Variants in UNC80 observed in about 807,000 individuals in gnomAD.
The protein encoded by UNC80 is protein unc-80 homolog.
A neutral mutation model predicts 384.6 loss-of-function variants in UNC80; 164 were observed. The ratio of observed to expected loss-of-function variants is 0.43; its 90% CI spans 0.38 to 0.49. The LOEUF (loss-of-function observed/expected upper bound fraction) is 0.49, where lower values mean the gene tolerates loss of function less well. UNC80 is among the 20% of genes least tolerant of loss of function. UNC80 has a pLI of 0.00. For missense variants in UNC80, 3,330 were observed against 4,143.0 expected (o/e 0.80, Z 5.39); for synonymous variants, 1,486 against 1,527.8 (o/e 0.97, Z 0.64).
intron 7 of UNC80, chr2:209,795,109 G>A (rs556088014): frequency 6.7e-5 from 12 of 177,904 alleles, no homozygotes; most frequent in East Asian, 1.8e-4. Context: ...TGCTGATAGC[G>A]ACATAGACAA....
intron 26 of UNC80, among the ~76,000 whole-genome samples, chr2:209,891,642 G>T (rs551961986): frequency 6.6e-6 from 1 of 152,094 alleles, no homozygotes; most frequent in East Asian, 1.9e-4. Flanking sequence ...CTCAAATGCT[G>T]AATATTTTTT....
At chr2:209,919,237 T>C (rs1034676296) in intron 33 of UNC80, among the ~76,000 whole-genome samples, 4 of 152,174 alleles carry the variant, frequency 2.6e-5, no homozygotes, top group African/African-American at 9.7e-5. Context: ...AAAATTCATC[T>C]TCAGAATATG....
chr2:209,808,720 A>C (rs920998952), intron 7 of UNC80: 7 of 83,784 alleles, frequency 8.4e-5, no homozygotes, highest in African/African-American at 1.9e-4. Flanking sequence ...GAGCGGCTGC[A>C]CTCATTGCTC....
In UNC80 at chr2:209,976,021, A is replaced by AT; in HGVS notation, c.8588-98_8588-97insT. ...AAACATGGAGAGAGCTTAGAAATTT[A>AT]GAAAATTTCTAAAGGTGCATAAAGG... is the stretch of plus-strand genomic sequence containing the variant. On this transcript the variant is annotated intron_variant, in intron 56 of 64. Coordinates refer to ENST00000673920, the MANE Select transcript of UNC80 (RefSeq NM_001371986.1). The surrounding 1 kb of genome is among the most constrained non-coding windows in gnomAD (Gnocchi z 4.3). 1 of 1,301,970 alleles carries AT rather than the reference A, an allele frequency of 7.7e-7. No homozygotes were observed. The highest frequency in any genetic ancestry group is 1.0e-6 in the Non-Finnish European group (1 of 973,528). 80.7% of individuals were successfully genotyped at this position (1,301,970 alleles called of 1,614,324 possible).
intron 22 of UNC80, among the ~76,000 whole-genome samples, chr2:209,862,629 G>C (rs1478171011): frequency 1.4e-5 from 2 of 145,036 alleles, no homozygotes; most frequent in Non-Finnish European, 3.0e-5. Context: ...TTTTGTCAGA[G>C]ACTAGGATTG....
At chr2:209,940,863 A>T (rs1334379057) in intron 43 of UNC80, among the ~76,000 whole-genome samples, 1 of 152,186 alleles carries the variant, frequency 6.6e-6, no homozygotes, top group African/African-American at 2.4e-5. Context: ...TCAGCAGTAG[A>T]TAGAGCTCTA....
intron 25 of UNC80, among the ~76,000 whole-genome samples, chr2:209,881,829 A>G (rs1454209978): frequency 6.6e-6 from 1 of 152,160 alleles, no homozygotes; most frequent in East Asian, 1.9e-4. Context: ...CCAAGTTTCC[A>G]GTGGTTCTTT....
At chr2:209,933,685 A>C in intron 38 of UNC80, 137 bp from the exon 39 acceptor site, 1 of 628,196 alleles carries the variant, frequency 1.6e-6, no homozygotes, top group Non-Finnish European at 2.5e-6. Context: ...TAACATTGAA[A>C]GTGTTAGAGA....
At chr2:209,849,350 A>G (rs761117518) in intron 21 of UNC80, 101 bp from the exon 22 acceptor site, 195 of 1,342,052 alleles carry the variant, frequency 1.5e-4, no homozygotes, top group Non-Finnish European at 1.5e-4. Context: ...TCTGGCCAAC[A>G]CTGTAGAAAA....
At chr2:209,965,564 G>T (rs1280430648) in intron 51 of UNC80, among the ~76,000 whole-genome samples, 4 of 151,748 alleles carry the variant, frequency 2.6e-5, no homozygotes, top group African/African-American at 9.7e-5. Context: ...GGGATTACGG[G>T]TGCCCACCAC....
chr2:209,911,392 C>T (rs2088922608), intron 29 of UNC80, among the ~76,000 whole-genome samples: 1 of 152,112 alleles, frequency 6.6e-6, no homozygotes, highest in African/African-American at 2.4e-5. Flanking sequence ...TATGTGTTCC[C>T]ACATATGCAC....
chr2:209,921,678 A>T lies in UNC80; in HGVS notation c.5522A>T (p.Glu1841Val). 3 of 1,549,914 alleles carry T rather than the reference A, an allele frequency of 1.9e-6. No individual in the cohort carries two copies. The highest frequency in any genetic ancestry group is 2.6e-6 in the Non-Finnish European group (3 of 1,146,370). Reference protein sequence around the residue: ...EPTCTPNSEPEEEVEEVTNLA... With the variant: ...EPTCTPNSEPVEEVEEVTNLA... ...ACATGCACGCCCAACTCAGAACCGG[A>T]AGAAGAAGGTGCCCTCTGCACACAG... is the stretch of plus-strand genomic sequence containing the variant. Residue 1841 changes from glutamate to valine, a missense_variant, in exon 34 of 65, where the codon GAA (glutamate) becomes GTA (valine). Coordinates refer to ENST00000673920, the MANE Select transcript of UNC80 (RefSeq NM_001371986.1).
intron 51 of UNC80, among the ~76,000 whole-genome samples, chr2:209,966,874 A>C (rs1454412921): frequency 1.3e-5 from 2 of 152,202 alleles, no homozygotes; most frequent in African/African-American, 4.8e-5. Context: ...AGGAGGCTTT[A>C]AAGGAGAGGG....
intron 33 of UNC80, 120 bp from the exon 34 acceptor site, chr2:209,921,380 G>A (rs2090028707): frequency 2.0e-6 from 2 of 977,980 alleles, no homozygotes; most frequent in African/African-American, 3.3e-5. Flanking sequence ...TGGATCATGG[G>A]TATCCTAACA....
intron 18 of UNC80, among the ~76,000 whole-genome samples, chr2:209,836,258 T>A (rs191811099): frequency 1.3e-5 from 2 of 152,258 alleles, no homozygotes; most frequent in African/African-American, 4.8e-5. Context: ...TAAGGAAAAA[T>A]AATCAACGTG....
chr2:209,885,479 C>A (rs2085701903), intron 25 of UNC80, among the ~76,000 whole-genome samples: 1 of 152,092 alleles, frequency 6.6e-6, no homozygotes, highest in African/African-American at 2.4e-5. Flanking sequence ...TTTTGTGAAT[C>A]AGAATTATTA....
rs958849271 is a variant in UNC80, at chr2:209,976,538, G to A, written c.8772+235G>A. Among the ~76,000 whole-genome samples, 1 of 152,056 alleles carries A rather than the reference G, an allele frequency of 6.6e-6. No individual in the cohort carries two copies. Among genetic ancestry groups the A allele is most frequent in the South Asian group, 2.1e-4 (1 of 4,820 alleles). ...TGTTGGAGTCTGTAAAACTTTGCCCGCTCCCTACTAATCATCCCCCACTCT... is the reference window on the plus strand; with the variant it reads ...TGTTGGAGTCTGTAAAACTTTGCCCACTCCCTACTAATCATCCCCCACTCT... On this transcript the variant is annotated intron_variant, in intron 57 of 64. Transcript: ENST00000673920. This position sits in a 1 kb window ranked among gnomAD's most constrained non-coding sequence, Gnocchi z 4.3.
At chr2:209,932,383 C>T (rs1286139103) in intron 38 of UNC80, among the ~76,000 whole-genome samples, 2 of 152,188 alleles carry the variant, frequency 1.3e-5, no homozygotes, top group South Asian at 2.1e-4. Flanking sequence ...AGCCAAATGT[C>T]AGGGCCTCCC....
intron 7 of UNC80, chr2:209,809,000 C>T (rs375111051): frequency 6.1e-6 from 2 of 329,916 alleles, no homozygotes; most frequent in Non-Finnish European, 1.2e-5. Context: ...ACTGCCAGGG[C>T]CTCCCTCCAA....
Sources: allele counts gnomAD v4.1 joint callset (sites outside exome capture counted in the v4.1 genomes callset), GRCh38; gene constraint gnomAD v4.1.1; non-coding constraint Gnocchi (gnomAD v3.1); transcripts MANE v1.5; gene names NCBI Gene and HGNC (gene_info 2026-07-23, HGNC 2026-07-21).